Variants in CMTM8 observed in about 807,000 individuals in gnomAD.
CMTM8 encodes the protein CKLF-like MARVEL transmembrane domain-containing protein 8.
Under a neutral mutation model 18.6 loss-of-function variants are expected in CMTM8, and 12 were observed. The observed-to-expected ratio is 0.65, with a 90% confidence interval of 0.41 to 1.05. The LOEUF (loss-of-function observed/expected upper bound fraction) is 1.05, where lower values mean the gene tolerates loss of function less well. Among genes scored for constraint, CMTM8 ranks in the 50% least tolerant of loss-of-function variants. CMTM8 has a pLI of 0.00. For synonymous variants in CMTM8, 87 were observed against 90.6 expected (o/e 0.96, Z 0.23); for missense variants, 217 against 227.2 (o/e 0.95, Z 0.29).
chr3:32,300,552 C>T (rs1357460125), intron 1 of CMTM8, among the ~76,000 whole-genome samples: 2 of 152,106 alleles, frequency 1.3e-5, no homozygotes, highest in African/African-American at 4.8e-5. Context: ...TGCTTCTGAG[C>T]CCTTACTTTA....
At chr3:32,286,624 AAC>A (rs1702691584) in intron 1 of CMTM8, among the ~76,000 whole-genome samples, 1 of 152,202 alleles carries the variant, frequency 6.6e-6, no homozygotes, top group Admixed American at 6.5e-5. Context: ...AGGAAGGCGT[AAC>A]ACACATGTTC....
chr3:32,295,488 A>AAAAG (rs1702863006), intron 1 of CMTM8, among the ~76,000 whole-genome samples: 3 of 143,122 alleles, frequency 2.1e-5, no homozygotes, highest in African/African-American at 2.6e-5. Context: ...ACAAAACAAA[A>AAAAG]CAGCGGAAAG....
At chr3:32,262,191 G>A (rs151026517) in intron 1 of CMTM8, among the ~76,000 whole-genome samples, 45 of 152,248 alleles carry the variant, frequency 3.0e-4, no homozygotes, top group African/African-American at 9.6e-4. Context: ...ACACCACGAA[G>A]CGAGGAATGG....
chr3:32,261,570 G>A (rs1559364100), intron 1 of CMTM8, among the ~76,000 whole-genome samples: 4 of 152,208 alleles, frequency 2.6e-5, no homozygotes. Flanking sequence ...AGATTTATGA[G>A]TAGCACTGTT....
intron 1 of CMTM8, among the ~76,000 whole-genome samples, chr3:32,347,212 A>G (rs1077868): frequency 0.23 from 34,062 of 151,252 alleles, 3,958 homozygotes; most frequent in South Asian, 0.32. Context: ...GTAGTGAACA[A>G]TGATTTCTTT....
chr3:32,332,718 T>G (rs72855623), intron 1 of CMTM8, among the ~76,000 whole-genome samples: 2 of 152,116 alleles, frequency 1.3e-5, no homozygotes, highest in Non-Finnish European at 2.9e-5. Context: ...GGGGGCCTCC[T>G]GTAAGAGGAG....
rs61467491 is a variant in CMTM8, at chr3:32,293,077, G to GTATATATATATATA, written c.147+53966_147+53979dup. 3.3e-4 allele frequency among the ~76,000 whole-genome samples: 48 copies of GTATATATATATATA among 145,770 alleles called. 1 individual carries two copies. Among genetic ancestry groups the GTATATATATATATA allele is most frequent in the African/African-American group, 1.2e-3 (46 of 39,822 alleles). ...ATATGATGTGTGTATATATGTGTGT[G>GTATATATATATATA]TATATATATATATATATATATTTAA... On this transcript the variant is annotated intron_variant, in intron 1 of 3. Transcript: ENST00000307526.
At chr3:32,352,909 TA>T (rs1479497350) in intron 1 of CMTM8, among the ~76,000 whole-genome samples, 11 of 151,792 alleles carry the variant, frequency 7.2e-5, no homozygotes, top group African/African-American at 2.7e-4. Flanking sequence ...TTTAGCCATT[TA>T]AAACATAGAA....
At chr3:32,323,268 G>A (rs1285028703) in intron 1 of CMTM8, among the ~76,000 whole-genome samples, 1 of 152,114 alleles carries the variant, frequency 6.6e-6, no homozygotes, top group Non-Finnish European at 1.5e-5. Flanking sequence ...CATCCGTCTA[G>A]CTTCCTGTCC....
chr3:32,352,630 A>C (rs1326327073), intron 1 of CMTM8, among the ~76,000 whole-genome samples: 2 of 152,248 alleles, frequency 1.3e-5, no homozygotes, highest in African/African-American at 2.4e-5. Flanking sequence ...ATTTATATGA[A>C]GATCAAAAGC....
intron 1 of CMTM8, among the ~76,000 whole-genome samples, chr3:32,301,354 T>A (rs533796745): frequency 1.4e-5 from 2 of 140,750 alleles, no homozygotes; most frequent in Non-Finnish European, 3.1e-5. Context: ...CAAAAAAAAA[T>A]TATACTTTGA....
chr3:32,308,986 C>T (rs958137452), intron 1 of CMTM8, among the ~76,000 whole-genome samples: 1 of 152,172 alleles, frequency 6.6e-6, no homozygotes, highest in African/African-American at 2.4e-5. Context: ...TTCAGACACC[C>T]ATCGTCCTTG....
chr3:32,364,200 G>C (rs1442632671), intron 2 of CMTM8, among the ~76,000 whole-genome samples: 1 of 152,012 alleles, frequency 6.6e-6, no homozygotes, highest in Non-Finnish European at 1.5e-5. Context: ...AGCAAGACCT[G>C]TCTCTACTAA....
chr3:32,285,697 AGT>A (rs1238173837), intron 1 of CMTM8, among the ~76,000 whole-genome samples: 1 of 152,072 alleles, frequency 6.6e-6, no homozygotes, highest in Non-Finnish European at 1.5e-5. Context: ...ACTGTTTATG[AGT>A]CTATAATTAA....
At chr3:32,304,640 C>T (rs1695687750) in intron 1 of CMTM8, among the ~76,000 whole-genome samples, 1 of 152,116 alleles carries the variant, frequency 6.6e-6, no homozygotes. Flanking sequence ...CAATGATTAC[C>T]GAAGGTCCAG....
At chr3:32,365,912 C>T (rs1169856655) in intron 2 of CMTM8, among the ~76,000 whole-genome samples, 1 of 152,196 alleles carries the variant, frequency 6.6e-6, no homozygotes, top group African/African-American at 2.4e-5. Context: ...AACTCAGTAA[C>T]ATTCTAGAAC....
intron 1 of CMTM8, among the ~76,000 whole-genome samples, chr3:32,347,297 G>GTTTTTTTTTTTTTTTTTTTTT (rs56826485): frequency 1.5e-5 from 2 of 136,532 alleles, no homozygotes; most frequent in Non-Finnish European, 3.1e-5. Context: ...TTTTGCTTAG[G>GTTTTTTTTTTTTTTTTTTTTT]TTTTTTTTTT....
chr3:32,243,274 C>G (rs1392125766), intron 1 of CMTM8, among the ~76,000 whole-genome samples: 1 of 151,764 alleles, frequency 6.6e-6, no homozygotes, highest in Non-Finnish European at 1.5e-5. Flanking sequence ...TTCACACCTG[C>G]AGTCCCAGCA....
chr3:32,369,713 C>A (rs1488330408), intron 3 of CMTM8, among the ~76,000 whole-genome samples, 171 bp from the exon 4 acceptor site: 1 of 152,148 alleles, frequency 6.6e-6, no homozygotes, highest in Non-Finnish European at 1.5e-5. Flanking sequence ...AACAGCATAA[C>A]CAGAAATCAT....
Sources: gnomAD v4.1 joint callset for allele counts (sites outside exome capture counted in the v4.1 genomes callset) on GRCh38, gnomAD v4.1.1 for gene constraint, MANE v1.5 for transcripts, NCBI Gene and HGNC (gene_info 2026-07-23, HGNC 2026-07-21) for gene names.